The following TRIM66 variants were observed in gnomAD, a reference collection of about 807,000 sequenced individuals.
TRIM66 encodes tripartite motif-containing protein 66.
Under a neutral mutation model 148.2 loss-of-function variants are expected in TRIM66, and 99 were observed. The observed-to-expected ratio is 0.67, with a 90% CI of 0.57 to 0.79. The LOEUF is 0.79. Ranked by LOEUF, TRIM66 falls within the 30% of genes least tolerant of loss-of-function variation. TRIM66 has a pLI of 0.00. For synonymous variants in TRIM66, 616 were observed against 635.9 expected, an observed-to-expected ratio of 0.97 and a Z score of 0.47; for missense variants, 1,666 against 1,697.9, an observed-to-expected ratio of 0.98 and a Z score of 0.33.
chr11:8,628,455 A>G (rs1163005544), intron 15 of TRIM66, among the ~76,000 whole-genome samples: 1 of 151,844 alleles, frequency 6.6e-6, no homozygotes, highest in Admixed American at 6.6e-5. Context: ...TCCACAAATG[A>G]TAGAAAAATT....
upstream of TRIM66, chr11:8,682,763 A>C (rs771341667): frequency 4.3e-6 from 7 of 1,613,342 alleles, no homozygotes; most frequent in Non-Finnish European, 5.9e-6. Context: ...CCCGTGGCCG[A>C]TACCTCGCGA....
At position 8,682,193 on chromosome 11, in the gene TRIM66, C is replaced by T. The variant is rs565365236; in HGVS notation, c.-548+408G>A. On this transcript the variant is annotated intron_variant, in intron 1 of 24. Coordinates refer to ENST00000646038, the MANE Select transcript of TRIM66 (RefSeq NM_001388022.1). Reference sequence around the variant, plus strand: ...GGACAACCAAATGATAGCAAAAGGGCAAAAGAGAAAGGAAGCTGCAGTGCC... The same window carrying T: ...GGACAACCAAATGATAGCAAAAGGGTAAAAGAGAAAGGAAGCTGCAGTGCC... 6.6e-5 allele frequency among the ~76,000 whole-genome samples: 10 copies of T among 152,314 alleles called. No homozygotes were observed. In the East Asian group the frequency reaches 1.5e-3, roughly 23 times the overall value.
At chr11:8,638,583 T>A (rs2036094880) in intron 15 of TRIM66, 71 bp downstream of exon 15, 2 of 1,502,366 alleles carry the variant, frequency 1.3e-6, no homozygotes, top group Non-Finnish European at 1.8e-6. Context: ...CCTATCCTCC[T>A]CCTCCAAGTG....
intron 15 of TRIM66, among the ~76,000 whole-genome samples, chr11:8,628,932 C>T (rs770048874): frequency 6.6e-6 from 1 of 152,104 alleles, no homozygotes; most frequent in Admixed American, 6.5e-5. Flanking sequence ...AGTTAAATAT[C>T]TTTTATCTCT....
intron 6 of TRIM66, among the ~76,000 whole-genome samples, chr11:8,664,420 G>A (rs1290452750): frequency 2.0e-5 from 3 of 152,182 alleles, no homozygotes; most frequent in African/African-American, 2.4e-5. Flanking sequence ...AATGTCGATC[G>A]CAAGCTTTGA....
chr11:8,678,048 T>G (rs1222374077), intron 3 of TRIM66: 1 of 152,188 alleles, frequency 6.6e-6, no homozygotes, highest in Non-Finnish European at 1.5e-5. Context: ...AACTGGAAAC[T>G]GTACATATTG....
At chr11:8,633,685 G>A (rs1027959426) in intron 15 of TRIM66, among the ~76,000 whole-genome samples, 1 of 152,204 alleles carries the variant, frequency 6.6e-6, no homozygotes, top group Non-Finnish European at 1.5e-5. Flanking sequence ...GATTGTCCCT[G>A]AGGTTGAGGA....
At chr11:8,682,887 A>G, upstream of TRIM66, 4 of 1,533,790 alleles carry the variant, frequency 2.6e-6, no homozygotes, top group Non-Finnish European at 3.5e-6. Context: ...CATTGCCCCT[A>G]GTCATCCACT....
At chr11:8,677,195 G>C (rs1388718396) in intron 3 of TRIM66, among the ~76,000 whole-genome samples, 2 of 152,236 alleles carry the variant, frequency 1.3e-5, no homozygotes, top group East Asian at 3.9e-4. Context: ...GAAAATGTGA[G>C]CGAGAAATAG....
In TRIM66 at chr11:8,655,820, A is replaced by T. The variant is rs185282082; in HGVS notation, c.341-3917T>A. Among the ~76,000 whole-genome samples the T allele has an allele frequency of 4.2e-3, 645 of 152,212 alleles. 2 individuals carry two copies. Among genetic ancestry groups the T allele is most frequent in the Admixed American group, 8.6e-3 (132 of 15,282 alleles). ...AATAAAAATAAAAAATTAAAAAAAA[A>T]ATATTCTCTTGGGCAAGATAGGAAG... On this transcript the variant is annotated intron_variant, in intron 6 of 24. Coordinates refer to ENST00000646038, the MANE Select transcript of TRIM66 (RefSeq NM_001388022.1).
At position 8,620,036 on chromosome 11, in the gene TRIM66, G is replaced by A. The variant is rs115128957; in HGVS notation, c.3747+14C>T. Reference sequence around the variant, plus strand: ...TGCAAGGAGAAGGTGAGAGAACAGCGTGGCCTTCCTTACCAGGGGGCTGAC... The same window carrying A: ...TGCAAGGAGAAGGTGAGAGAACAGCATGGCCTTCCTTACCAGGGGGCTGAC... On this transcript the variant is annotated intron_variant, in intron 22 of 24. Transcript: ENST00000646038. The A allele has an allele frequency of 3.1e-3, 4,737 of 1,550,760 alleles. 124 individuals carry two copies. The African/African-American group carries it at 0.057, about 19-fold the overall frequency.
Position 8,618,943 on chromosome 11 carries a change from C to T in TRIM66, c.3926G>A (p.Gly1309Asp). 6.4e-7 allele frequency: 1 copy of T among 1,551,478 alleles called. No homozygotes were observed. Among genetic ancestry groups the T allele is most frequent in the Non-Finnish European group, 8.7e-7 (1 of 1,146,968 alleles). ...CTCAAAGAACACTTCCAGGCAGCGG[C>T]CAGCCTCTGCAACCTCGGAGTCAGG... ...NYPDSEVAEA[G>D]RCLEVFFEGW... Residue 1309 changes from glycine (G) to aspartate (D), a missense_variant, in exon 24 of 25, where the codon GGC becomes GAC. Around this residue, in one of 3 missense-constraint regions of TRIM66, gnomAD observed 204 missense variants for 231.0 expected, o/e 0.88. Transcript: ENST00000646038.
upstream of TRIM66, chr11:8,682,672 C>A: frequency 3.3e-6 from 3 of 913,448 alleles, no homozygotes; most frequent in Non-Finnish European, 5.4e-6. Flanking sequence ...AAGCGACTAG[C>A]AGGCGCGCAA....
rs1179704332 is a variant in TRIM66, at chr11:8,638,680, G to C, written c.2284C>G (p.His762Asp). Residue 762 changes from histidine to aspartate, a missense_variant, in exon 15 of 25, where the codon CAC becomes GAC. His to Asp is a moderately conservative substitution (Grantham distance 81). This residue lies in a region of TRIM66 where 1,431 missense variants were observed against 1,412.4 expected (regional missense o/e 1.01). Transcript: ENST00000646038. ...TTTCTCACCACATTTGGAGAGGAGT[G>C]CTGGATGGTGCTGTCCACTGGGGGG... ...SVPPVDSTIQ[H>D]SSPNVVRKHS... The C allele has an allele frequency of 2.6e-6, 4 of 1,549,130 alleles. No homozygotes were observed. Among genetic ancestry groups the C allele is most frequent in the Admixed American group, 4.0e-5 (2 of 50,266 alleles).
At chr11:8,653,278 C>A (rs930573555) in intron 6 of TRIM66, among the ~76,000 whole-genome samples, 4 of 152,108 alleles carry the variant, frequency 2.6e-5, no homozygotes, top group Admixed American at 6.5e-5. Flanking sequence ...GAGGTAGGAC[C>A]CTTTGCCCTT....
At chr11:8,683,155 C>T (rs770360307), upstream of TRIM66, 1 of 1,573,818 alleles carries the variant, frequency 6.4e-7, no homozygotes, top group Non-Finnish European at 8.7e-7. Flanking sequence ...GGCATCGCCC[C>T]CTGCCCCTAA....
chr11:8,658,580 C>T (rs564657897), intron 6 of TRIM66, among the ~76,000 whole-genome samples: 3 of 152,220 alleles, frequency 2.0e-5, no homozygotes, highest in South Asian at 4.1e-4. Flanking sequence ...CCTGTTTATA[C>T]GTAGGAAGAA....
Position 8,648,398 on chromosome 11 carries a change from G to A in TRIM66, c.725+18C>T, listed in dbSNP as rs923226090. 1.0e-5 allele frequency: 16 copies of A among 1,550,396 alleles called. No individual in the cohort carries two copies. The highest frequency in any genetic ancestry group is 1.3e-5 in the Non-Finnish European group (15 of 1,146,678). On this transcript the variant is annotated intron_variant, in intron 9 of 24. Coordinates refer to ENST00000646038, the MANE Select transcript of TRIM66 (RefSeq NM_001388022.1). ...CAGAGCCCTCCCCAGCCCATTTCAG[G>A]CAGTCTGTCAGCCCCACCTGTGTTC... is the stretch of plus-strand genomic sequence containing the variant.
rs1043631123 is a variant in TRIM66, at chr11:8,658,977, C to G, written c.341-7074G>C. 6 of 203,446 alleles carry G rather than the reference C, an allele frequency of 2.9e-5. No homozygotes were observed. The Admixed American group carries it at 3.3e-4, about 11-fold the overall frequency. The allele number at this position is 203,446 out of a possible 1,614,324, so 12.6% of individuals were successfully genotyped here. On this transcript the variant is annotated intron_variant, in intron 6 of 24. Transcript: ENST00000646038. ...GGAGAAGACACACATTTACGATGCACAAAGGTCCTGGGAGGTCTCCCTTGG... is the reference window on the plus strand; with the variant it reads ...GGAGAAGACACACATTTACGATGCAGAAAGGTCCTGGGAGGTCTCCCTTGG...
Sources: allele counts gnomAD v4.1 joint callset (sites outside exome capture counted in the v4.1 genomes callset), GRCh38; gene constraint gnomAD v4.1.1; regional missense constraint gnomAD v4.1.1; transcripts MANE v1.5; gene names NCBI Gene and HGNC (gene_info 2026-07-23, HGNC 2026-07-21).